ATF7: variants seen among roughly 807,000 people sequenced by gnomAD.
ATF7 encodes the protein activating transcription factor 7.
In ATF7, 10 loss-of-function variants were observed where a neutral mutation model predicts 50.4. The observed-to-expected ratio is 0.20, with a 90% CI of 0.12 to 0.34. The LOEUF is 0.34. Ranked by LOEUF, ATF7 falls within the 10% of genes least tolerant of loss-of-function variation. ATF7 has a pLI of 1.00. For synonymous variants in ATF7, 201 were observed against 226.4 expected (o/e 0.89, Z 1.01); for missense variants, 465 against 613.9 (o/e 0.76, Z 2.56).
At chr12:53,523,247 T>G (rs1422879796) in intron 11 of ATF7, 29 bp downstream of exon 11, 6 of 1,477,640 alleles carry the variant, frequency 4.1e-6, no homozygotes, top group African/African-American at 1.4e-5. Context: ...ACTGACTGAC[T>G]GACTTAGCTT....
At chr12:53,517,443 A>G in intron 11 of ATF7, 89 bp from the exon 12 acceptor site, 1 of 1,293,674 alleles carries the variant, frequency 7.7e-7, no homozygotes, top group Non-Finnish European at 1.1e-6. Flanking sequence ...CATAATTCTA[A>G]AGGAGCCCAA....
chr12:53,552,706 T>C (rs936613921), intron 2 of ATF7, 69 bp from the exon 3 acceptor site: 1 of 1,190,424 alleles, frequency 8.4e-7, no homozygotes, highest in Admixed American at 1.9e-5. Context: ...CCTTTTAAAA[T>C]GTCCTACCAA....
In ATF7 at chr12:53,601,106, T is replaced by G; in HGVS notation, c.-21-85A>C. On this transcript the variant is annotated intron_variant, in intron 1 of 11. Transcript: ENST00000420353. ...AAAAGTGCTTCAAAAATATCAACCC[T>G]AGAAACAGGTGTTCCACGAATGCCA... 3 of 980,866 alleles carry G rather than the reference T, an allele frequency of 3.1e-6. No homozygotes were observed. The East Asian group carries it at 8.0e-5, about 26-fold the overall frequency. 60.8% of individuals were successfully genotyped at this position (980,866 alleles called of 1,614,324 possible). A position where few individuals can be genotyped will look rare whatever the true frequency, so the allele number is the denominator to read the frequency against.
intron 2 of ATF7, among the ~76,000 whole-genome samples, chr12:53,594,899 A>G (rs1221482886): frequency 2.6e-5 from 4 of 151,716 alleles, no homozygotes; most frequent in Admixed American, 1.3e-4. Context: ...AAAAAAAAAA[A>G]AGAAAAAAAA....
intron 1 of ATF7, among the ~76,000 whole-genome samples, chr12:53,616,019 C>T (rs1006854885): frequency 3.9e-5 from 6 of 152,022 alleles, no homozygotes; most frequent in African/African-American, 9.7e-5. Context: ...AAAAATTGAC[C>T]GGTTTAGCAC....
intron 3 of ATF7, among the ~76,000 whole-genome samples, chr12:53,551,808 T>C (rs559380230): frequency 6.6e-6 from 1 of 152,330 alleles, no homozygotes; most frequent in Non-Finnish European, 1.5e-5. Context: ...TAAGCTTGCT[T>C]AGATTGAGGT....
At chr12:53,508,958 C>T (rs547597622), downstream of ATF7, among the ~76,000 whole-genome samples, 168 of 152,290 alleles carry the variant, frequency 1.1e-3, no homozygotes, top group African/African-American at 3.9e-3. Context: ...ATAGAGTAGC[C>T]TAGAATCCTG....
At chr12:53,611,830 G>A (rs1422864309) in intron 1 of ATF7, among the ~76,000 whole-genome samples, 1 of 152,104 alleles carries the variant, frequency 6.6e-6, no homozygotes, top group Non-Finnish European at 1.5e-5. Flanking sequence ...CTGGCCTCAA[G>A]TGATCTGCCC....
At chr12:53,543,599 G>A (rs535005225) in intron 3 of ATF7, among the ~76,000 whole-genome samples, 151 bp from the exon 4 acceptor site, 3 of 152,286 alleles carry the variant, frequency 2.0e-5, no homozygotes, top group South Asian at 2.1e-4. Context: ...AGCTCTAGTA[G>A]GCGAAGGCTG....
chr12:53,559,253 G>A lies in ATF7; in HGVS notation c.49-6616C>T, dbSNP rs986439856. 6.6e-5 allele frequency among the ~76,000 whole-genome samples: 10 copies of A among 151,408 alleles called. No individual in the cohort carries two copies. In the South Asian group the frequency reaches 2.1e-3, roughly 32 times the overall value. On this transcript the variant is annotated intron_variant, in intron 2 of 11. Coordinates refer to ENST00000420353, the MANE Select transcript of ATF7 (RefSeq NM_006856.3). ...TTCTTTTTTCTTTTTTTTAGAGATG[G>A]GGGTCCCATTACGTTGCCCAGCTGG...
intron 2 of ATF7, among the ~76,000 whole-genome samples, chr12:53,562,635 CA>C (rs34627729): frequency 0.061 from 8,827 of 144,342 alleles, 336 homozygotes; most frequent in Non-Finnish European, 0.093. Context: ...AACTTCATCT[CA>C]AAAAAAAAAA....
intron 1 of ATF7, among the ~76,000 whole-genome samples, chr12:53,609,338 G>T (rs1466936714): frequency 2.6e-5 from 4 of 151,814 alleles, no homozygotes; most frequent in African/African-American, 9.7e-5. Context: ...ATTTTTAGTA[G>T]AGACGGGGTT....
chr12:53,509,110 G>A (rs144030600), downstream of ATF7, among the ~76,000 whole-genome samples: 25 of 152,238 alleles, frequency 1.6e-4, no homozygotes, highest in Admixed American at 1.1e-3. Context: ...GAGCCATGAC[G>A]TAAAGGCCTT....
At chr12:53,520,919 G>A (rs776449099) in intron 11 of ATF7, among the ~76,000 whole-genome samples, 2 of 151,722 alleles carry the variant, frequency 1.3e-5, no homozygotes, top group Non-Finnish European at 2.9e-5. Context: ...TTGTATTACC[G>A]TAACAGCCCC....
At chr12:53,578,558 G>A (rs1381275357) in intron 2 of ATF7, among the ~76,000 whole-genome samples, 1 of 151,846 alleles carries the variant, frequency 6.6e-6, no homozygotes, top group African/African-American at 2.4e-5. Context: ...GAGGCGGGAG[G>A]ACTGCTTTAG....
At chr12:53,612,786 C>T (rs562039168) in intron 1 of ATF7, among the ~76,000 whole-genome samples, 59 of 152,274 alleles carry the variant, frequency 3.9e-4, no homozygotes, top group Middle Eastern at 3.4e-3. Context: ...GGCAGATCAC[C>T]TGCAGCCAGG....
chr12:53,584,020 C>G (rs1055443911), intron 2 of ATF7, among the ~76,000 whole-genome samples: 2 of 152,188 alleles, frequency 1.3e-5, no homozygotes, highest in Non-Finnish European at 2.9e-5. Flanking sequence ...CACTCTGTCA[C>G]CCAGGCTGGA....
chr12:53,541,052 A>G (rs1939522367), intron 4 of ATF7, among the ~76,000 whole-genome samples: 1 of 152,180 alleles, frequency 6.6e-6, no homozygotes, highest in African/African-American at 2.4e-5. Flanking sequence ...TGTTAGTTTA[A>G]GGGAGATAGC....
chr12:53,600,850 A>G, intron 2 of ATF7, 103 bp downstream of exon 2: 1 of 1,089,304 alleles, frequency 9.2e-7, no homozygotes, highest in Non-Finnish European at 1.4e-6. Flanking sequence ...GATTACCTCC[A>G]GTGATCACGT....
Sources: allele counts gnomAD v4.1 joint callset (sites outside exome capture counted in the v4.1 genomes callset), GRCh38; gene constraint gnomAD v4.1.1; transcripts MANE v1.5; gene names NCBI Gene and HGNC (gene_info 2026-07-23, HGNC 2026-07-21).